The following SSUH2 variants were observed in gnomAD, a reference collection of about 807,000 sequenced individuals.
SSUH2 encodes the protein protein SSUH2 homolog.
A neutral mutation model predicts 55.3 loss-of-function variants in SSUH2; 47 were observed. The observed-to-expected ratio is 0.85, with a 90% confidence interval of 0.67 to 1.08. The LOEUF (loss-of-function observed/expected upper bound fraction) is 1.08, where lower values mean the gene tolerates loss of function less well. Among genes scored for constraint, SSUH2 ranks in the 50% least tolerant of loss-of-function variants. SSUH2 has a pLI of 0.00. For missense variants in SSUH2, 535 were observed against 490.7 expected (o/e 1.09, Z -0.85); for synonymous variants, 212 against 191.5 (o/e 1.11, Z -0.89).
intron 6 of SSUH2, among the ~76,000 whole-genome samples, chr3:8,660,839 C>T (rs758390262): frequency 1.1e-3 from 161 of 152,186 alleles, no homozygotes; most frequent in Admixed American, 9.8e-4. Context: ...TCCACTGAGC[C>T]GGTGAGTACC....
intron 7 of SSUH2, among the ~76,000 whole-genome samples, chr3:8,653,408 C>T (rs1702625446): frequency 6.6e-6 from 1 of 152,204 alleles, no homozygotes; most frequent in African/African-American, 2.4e-5. Flanking sequence ...TGTAAATTTG[C>T]TTATAAGTGT....
intron 1 of SSUH2, among the ~76,000 whole-genome samples, chr3:8,642,158 G>A (rs1700960563): frequency 1.3e-5 from 2 of 152,186 alleles, no homozygotes; most frequent in African/African-American, 4.8e-5. Flanking sequence ...CACCATTTCT[G>A]GAAAAGGTTT....
chr3:8,645,816 A>G (rs1240750178), upstream of SSUH2, among the ~76,000 whole-genome samples: 1 of 152,206 alleles, frequency 6.6e-6, no homozygotes, highest in African/African-American at 2.4e-5. Flanking sequence ...CAGCTGCTCC[A>G]TAAAGAGCGT....
At chr3:8,676,946 G>A (rs1559556569) in intron 3 of SSUH2, among the ~76,000 whole-genome samples, 1 of 143,284 alleles carries the variant, frequency 7.0e-6, no homozygotes, top group Non-Finnish European at 1.5e-5. Context: ...CATAGTACGG[G>A]GGGAAGGCAT....
At chr3:8,634,316 G>C (rs1699515041) in intron 3 of SSUH2, 1 of 1,162,004 alleles carries the variant, frequency 8.6e-7, no homozygotes, top group Admixed American at 2.4e-5. Context: ...ACGACAGACA[G>C]GGACCCTAAC....
intron 11 of SSUH2, 110 bp from the exon 12 acceptor site, chr3:8,620,124 G>A (rs1222008720): frequency 1.6e-6 from 2 of 1,217,844 alleles, no homozygotes; most frequent in Non-Finnish European, 2.3e-6. Context: ...GTCCTGCTCT[G>A]GAGTTGGCAT....
chr3:8,650,535 G>C (rs1317899740), intron 7 of SSUH2, among the ~76,000 whole-genome samples: 2 of 152,154 alleles, frequency 1.3e-5, no homozygotes, highest in African/African-American at 2.4e-5. Context: ...TCCAACTGTG[G>C]GGAAACTGAT....
intron 7 of SSUH2, among the ~76,000 whole-genome samples, chr3:8,650,059 A>T (rs1375319751): frequency 6.6e-6 from 1 of 152,024 alleles, no homozygotes; most frequent in Non-Finnish European, 1.5e-5. Context: ...CACTTGCTGT[A>T]CTGGAGACCT....
chr3:8,671,619 G>C (rs754039971), intron 4 of SSUH2, among the ~76,000 whole-genome samples: 2 of 152,144 alleles, frequency 1.3e-5, no homozygotes, highest in East Asian at 3.9e-4. Context: ...TCTCAAGTGT[G>C]TAGAGTCCTG....
intron 7 of SSUH2, 151 bp downstream of exon 7, chr3:8,629,509 AGACG>A: frequency 1.6e-6 from 1 of 638,324 alleles, no homozygotes; most frequent in Non-Finnish European, 2.8e-6. Flanking sequence ...TTCATTTTAT[AGACG>A]GGAAAATGGA....
chr3:8,678,795 C>A (rs1180181580), intron 2 of SSUH2, among the ~76,000 whole-genome samples: 1 of 110,154 alleles, frequency 9.1e-6, no homozygotes, highest in African/African-American at 3.1e-5. Flanking sequence ...CCACTTAGGA[C>A]CCCATCGCAG....
At chr3:8,667,536 C>T (rs1304738938) in intron 5 of SSUH2, among the ~76,000 whole-genome samples, 1 of 152,194 alleles carries the variant, frequency 6.6e-6, no homozygotes, top group African/African-American at 2.4e-5. Context: ...GATGGAGTCA[C>T]TCTGGTTCCA....
chr3:8,641,713 G>A (rs895963749), intron 1 of SSUH2, among the ~76,000 whole-genome samples: 9 of 152,194 alleles, frequency 5.9e-5, no homozygotes, highest in South Asian at 4.1e-4. Context: ...CTCCATCCAC[G>A]GGATGTGTGA....
intron 8 of SSUH2, 33 bp from the exon 9 acceptor site, chr3:8,626,354 C>T (rs963691382): frequency 6.3e-7 from 1 of 1,575,878 alleles, no homozygotes; most frequent in Non-Finnish European, 8.7e-7. Flanking sequence ...ACCCCCAGAT[C>T]AGTTGCAGGT....
intron 5 of SSUH2, among the ~76,000 whole-genome samples, chr3:8,670,608 G>T (rs1287298383): frequency 6.6e-6 from 1 of 151,994 alleles, no homozygotes; most frequent in Non-Finnish European, 1.5e-5. Context: ...AATATGACAG[G>T]GAGTACATGC....
chr3:8,656,454 A>G (rs1702939849), intron 7 of SSUH2, among the ~76,000 whole-genome samples: 1 of 152,104 alleles, frequency 6.6e-6, no homozygotes, highest in South Asian at 2.1e-4. Context: ...GAGCGTTCCA[A>G]TTCTTGGACT....
chr3:8,649,369 A>C (rs531074274), upstream of SSUH2, among the ~76,000 whole-genome samples: 30 of 151,962 alleles, frequency 2.0e-4, no homozygotes, highest in African/African-American at 6.8e-4. Context: ...CTCTCCCCTG[A>C]TCTCTAAATA....
intron 6 of SSUH2, chr3:8,659,687 G>A (rs951514628): frequency 6.8e-6 from 3 of 442,100 alleles, no homozygotes; most frequent in African/African-American, 6.0e-5. Context: ...ATGGGATCCA[G>A]TATTCATCCA....
Position 8,626,701 on chromosome 3 carries a change from G to A in SSUH2, c.675-380C>T, listed in dbSNP as rs142173153. Among the ~76,000 whole-genome samples the A allele has an allele frequency of 7.5e-3, 1,142 of 152,278 alleles. 17 individuals carry two copies. The highest frequency in any genetic ancestry group is 0.025 in the African/African-American group (1,033 of 41,546). On this transcript the variant is annotated intron_variant, in intron 8 of 11. Coordinates refer to ENST00000544814, the MANE Select transcript of SSUH2 (RefSeq NM_001256748.3). The stretch of plus-strand genomic sequence containing the variant: ...CCCAGGATGTTTGTCGGGACTATCG[G>A]GAAAGGGACATCTTTTCTCCTGGGA...
Sources: gnomAD v4.1 joint callset for allele counts (sites outside exome capture counted in the v4.1 genomes callset) on GRCh38, gnomAD v4.1.1 for gene constraint, MANE v1.5 for transcripts, NCBI Gene and HGNC (gene_info 2026-07-23, HGNC 2026-07-21) for gene names.